The following AGBL4 variants were observed in gnomAD, a reference collection of about 807,000 sequenced individuals.
AGBL4 encodes cytosolic carboxypeptidase 6.
AGBL4 carries 58 observed loss-of-function variants against 66.4 expected under a neutral mutation model. That is an observed-to-expected ratio of 0.87 (90% CI 0.71 to 1.09). The LOEUF is 1.09. AGBL4 is among the 50% of genes least tolerant of loss of function. The probability of loss-of-function intolerance (pLI) is 0.00; values close to 1 mark genes in which losing one functional copy is unlikely to be tolerated. For synonymous variants in AGBL4, 234 were observed against 222.9 expected, an observed-to-expected ratio of 1.05 and a Z score of -0.44; for missense variants, 579 against 631.0, an observed-to-expected ratio of 0.92 and a Z score of 0.88.
intron 3 of AGBL4, among the ~76,000 whole-genome samples, chr1:49,463,219 G>C (rs1358265677): frequency 6.6e-6 from 1 of 151,574 alleles, no homozygotes; most frequent in Non-Finnish European, 1.5e-5. Flanking sequence ...AGTCAGGATT[G>C]GACCCCAAAT....
chr1:49,915,241 G>A (rs369516890), intron 1 of AGBL4, among the ~76,000 whole-genome samples: 30 of 152,122 alleles, frequency 2.0e-4, no homozygotes, highest in African/African-American at 7.2e-4. Context: ...GTGGGTGCAG[G>A]ACAGTGGGTG....
chr1:49,019,838 G>T (rs1240030553), intron 5 of AGBL4, among the ~76,000 whole-genome samples: 1 of 152,138 alleles, frequency 6.6e-6, no homozygotes, highest in African/African-American at 2.4e-5. Context: ...CCTCTAATTA[G>T]CTGTGTGATT....
chr1:49,537,813 G>A (rs1448670377), intron 3 of AGBL4, among the ~76,000 whole-genome samples: 4 of 152,154 alleles, frequency 2.6e-5, no homozygotes, highest in African/African-American at 9.7e-5. Flanking sequence ...TGTAGTCCCA[G>A]CTACTCGGTA....
At chr1:49,186,563 T>C (rs954101091) in intron 4 of AGBL4, among the ~76,000 whole-genome samples, 6 of 152,104 alleles carry the variant, frequency 3.9e-5, no homozygotes, top group African/African-American at 1.4e-4. Flanking sequence ...GCCTGACACA[T>C]TGCGGGTTCA....
At chr1:48,834,835 C>G (rs945531640) in intron 6 of AGBL4, among the ~76,000 whole-genome samples, 3 of 152,160 alleles carry the variant, frequency 2.0e-5, no homozygotes, top group African/African-American at 7.2e-5. Flanking sequence ...ATCATTGAAC[C>G]ATACCTTCAC....
At chr1:49,406,004 A>G (rs1435275086) in intron 3 of AGBL4, among the ~76,000 whole-genome samples, 1 of 152,190 alleles carries the variant, frequency 6.6e-6, no homozygotes, top group Non-Finnish European at 1.5e-5. Context: ...TAGCCCTTAC[A>G]ACAACCACTA....
intron 3 of AGBL4, among the ~76,000 whole-genome samples, chr1:49,600,282 A>T (rs1644929111): frequency 6.6e-6 from 1 of 152,170 alleles, no homozygotes; most frequent in Non-Finnish European, 1.5e-5. Context: ...TTGCTTTATG[A>T]ATCTGGGTGC....
intron 1 of AGBL4, among the ~76,000 whole-genome samples, chr1:49,909,809 G>A (rs1650636950): frequency 6.6e-6 from 1 of 152,200 alleles, no homozygotes; most frequent in South Asian, 2.1e-4. Context: ...ATCTGATATA[G>A]ATTGCTAGAG....
intron 4 of AGBL4, among the ~76,000 whole-genome samples, chr1:49,234,726 A>T (rs1650584975): frequency 6.6e-6 from 1 of 152,090 alleles, no homozygotes. Flanking sequence ...TTCTCCAGGG[A>T]CATTCCCAAT....
chr1:48,674,198 T>C (rs1243928398), intron 6 of AGBL4, among the ~76,000 whole-genome samples: 2 of 152,212 alleles, frequency 1.3e-5, no homozygotes, highest in African/African-American at 2.4e-5. Flanking sequence ...ATTAGCTCCA[T>C]GGCAAAGGGA....
intron 2 of AGBL4, among the ~76,000 whole-genome samples, chr1:49,700,080 T>C (rs1458565359): frequency 6.6e-6 from 1 of 151,702 alleles, no homozygotes; most frequent in Non-Finnish European, 1.5e-5. Context: ...ATCAACTATA[T>C]GTTGCTTATA....
rs571488433 is a variant in AGBL4, at chr1:49,512,496, T to G, written c.282+184817A>C. Reference sequence around the variant, plus strand: ...TCATGGCTTGGTGCTCTTCTCACAATAGTGAGTAAATTCTTACAAGATCTT... The same window carrying G: ...TCATGGCTTGGTGCTCTTCTCACAAGAGTGAGTAAATTCTTACAAGATCTT... On this transcript the variant is annotated intron_variant, in intron 3 of 13. Transcript: ENST00000371839. Among the ~76,000 whole-genome samples, 30 of 151,958 alleles carry G rather than the reference T, an allele frequency of 2.0e-4. 1 individual carries two copies. The highest frequency in any genetic ancestry group is 6.8e-3 in the Middle Eastern group (2 of 294).
intron 3 of AGBL4, among the ~76,000 whole-genome samples, chr1:49,688,177 A>C (rs989360240): frequency 6.6e-6 from 1 of 152,160 alleles, no homozygotes; most frequent in Admixed American, 6.5e-5. Context: ...CTTTCTAACT[A>C]TTATTATACC....
intron 5 of AGBL4, among the ~76,000 whole-genome samples, chr1:48,874,189 T>TAAGCACACATTTGGCTTCAGGGCTC (rs1446939426): frequency 3.3e-5 from 5 of 152,294 alleles, no homozygotes; most frequent in African/African-American, 1.2e-4. Context: ...CACAGGGGCA[T>TAAGCACACATTTGGCTTCAGGGCTC]AAGCACACAT....
intron 3 of AGBL4, among the ~76,000 whole-genome samples, chr1:49,660,894 T>A (rs2124489974): frequency 6.6e-6 from 1 of 151,190 alleles, no homozygotes; most frequent in South Asian, 2.1e-4. Context: ...AAGTGGGAGC[T>A]GAACAATGGG....
At chr1:49,094,021 A>G (rs1645046708) in intron 4 of AGBL4, among the ~76,000 whole-genome samples, 1 of 152,172 alleles carries the variant, frequency 6.6e-6, no homozygotes, top group Non-Finnish European at 1.5e-5. Flanking sequence ...GGATACAGAA[A>G]GTGTGACTTT....
At chr1:49,581,682 G>T (rs895539474) in intron 3 of AGBL4, among the ~76,000 whole-genome samples, 2 of 152,154 alleles carry the variant, frequency 1.3e-5, no homozygotes, top group African/African-American at 4.8e-5. Context: ...AGTTGTGCTG[G>T]ATATTTGAAT....
At chr1:49,014,275 G>T (rs924179108) in intron 5 of AGBL4, among the ~76,000 whole-genome samples, 1 of 152,162 alleles carries the variant, frequency 6.6e-6, no homozygotes, top group Non-Finnish European at 1.5e-5. Context: ...GAGAAAATTG[G>T]TGAGACAGGG....
chr1:49,135,797 G>A (rs1398402334), intron 4 of AGBL4, among the ~76,000 whole-genome samples: 1 of 152,088 alleles, frequency 6.6e-6, no homozygotes, highest in Non-Finnish European at 1.5e-5. Flanking sequence ...TGGGCGTTAG[G>A]GACATTATGA....
Sources: gnomAD v4.1 joint callset for allele counts (sites outside exome capture counted in the v4.1 genomes callset) on GRCh38, gnomAD v4.1.1 for gene constraint, MANE v1.5 for transcripts, NCBI Gene and HGNC (gene_info 2026-07-23, HGNC 2026-07-21) for gene names.